The following ANKMY1 variants were observed in gnomAD, a reference collection of about 807,000 sequenced individuals.
ANKMY1 encodes the protein ankyrin repeat and MYND domain containing 1.
A neutral mutation model predicts 102.0 loss-of-function variants in ANKMY1; 98 were observed. The observed-to-expected ratio is 0.96, with a 90% CI of 0.82 to 1.14. The LOEUF (loss-of-function observed/expected upper bound fraction) is 1.14. Ranked by LOEUF, ANKMY1 falls within the 50% of genes most tolerant of loss-of-function variation. The probability of loss-of-function intolerance (pLI) is 0.00; values close to 1 mark genes in which losing one functional copy is unlikely to be tolerated. For missense variants in ANKMY1, 1,330 were observed against 1,347.6 expected, an observed-to-expected ratio of 0.99 and a Z score of 0.20; for synonymous variants, 582 against 559.9, an observed-to-expected ratio of 1.04 and a Z score of -0.56.
chr2:240,470,301 C>A, the ANKMY1 span, among the ~76,000 whole-genome samples: 1 of 152,204 alleles, frequency 6.6e-6, no homozygotes, highest in Non-Finnish European at 1.5e-5. Flanking sequence ...TGTGTCACAG[C>A]CATCAAAGAA....
rs368596280 is a variant in ANKMY1 at position 240,523,969 on chromosome 2, C to G, written c.1748G>C (p.Ser583Thr). Residue 583 changes from serine (S) to threonine (T), a missense_variant, in exon 8 of 18, where the codon AGC becomes ACC. Transcript: ENST00000401804. ...TGAGGGCGAGGCCATCTTCAGCAAG[C>G]TGTGGGACTGGGCGCTTCTCTCCAG... ...AMLERSAQSH[S>T]LLKMASPSPC... 2 of 1,613,766 alleles carry G rather than the reference C, an allele frequency of 1.2e-6. No homozygotes were observed. Among genetic ancestry groups the G allele is most frequent in the African/African-American group, 2.7e-5 (2 of 74,954 alleles).
intron 13 of ANKMY1, among the ~76,000 whole-genome samples, chr2:240,500,983 C>T (rs981595278): frequency 7.2e-5 from 11 of 152,174 alleles, no homozygotes; most frequent in Non-Finnish European, 1.2e-4. Flanking sequence ...AACAAGACAG[C>T]GAGTGCACGC....
In ANKMY1 at chr2:240,499,872, G is replaced by C; in HGVS notation, c.2806+86C>G. On this transcript the variant is annotated intron_variant, in intron 15 of 17. Coordinates refer to ENST00000401804, the MANE Select transcript of ANKMY1 (RefSeq NM_001282771.3). The surrounding 1 kb of genome is among the most constrained non-coding windows in gnomAD (Gnocchi z 4.2). ...GAAGGCCCCTCCAAGAGCCCCAGGG[G>C]GTCCAGATCTCCAGGGATAACAGCC... 6.8e-7 allele frequency: 1 copy of C among 1,463,314 alleles called. No homozygotes were observed. Among genetic ancestry groups the C allele is most frequent in the Non-Finnish European group, 9.1e-7 (1 of 1,097,952 alleles). 90.6% of individuals were successfully genotyped at this position (1,463,314 alleles called of 1,614,324 possible). A position where few individuals can be genotyped will look rare whatever the true frequency, so the allele number is the denominator to read the frequency against.
chr2:240,548,984 T>C (rs1393286453), intron 4 of ANKMY1, among the ~76,000 whole-genome samples: 1 of 152,130 alleles, frequency 6.6e-6, no homozygotes, highest in Non-Finnish European at 1.5e-5. Context: ...AAGCTACCAA[T>C]GACTTTCTTC....
intron 5 of ANKMY1, among the ~76,000 whole-genome samples, chr2:240,528,287 G>A (rs1466396990): frequency 1.7e-5 from 2 of 119,856 alleles, no homozygotes; most frequent in East Asian, 2.1e-4. Flanking sequence ...CTCTGTGCCT[G>A]CCCCCACCCC....
intron 15 of ANKMY1, among the ~76,000 whole-genome samples, chr2:240,497,511 G>T (rs1464069545): frequency 6.6e-6 from 1 of 152,212 alleles, no homozygotes; most frequent in Admixed American, 6.5e-5. Context: ...AATTTTAAAA[G>T]ATTTTATTGA....
intron 4 of ANKMY1, among the ~76,000 whole-genome samples, chr2:240,550,850 C>T (rs2091390290): frequency 6.6e-6 from 1 of 152,158 alleles, no homozygotes; most frequent in African/African-American, 2.4e-5. Context: ...TCATCTCTAT[C>T]TTTTGACTAT....
At chr2:240,534,828 C>A (rs2086335970) in intron 4 of ANKMY1, among the ~76,000 whole-genome samples, 1 of 151,898 alleles carries the variant, frequency 6.6e-6, no homozygotes, top group African/African-American at 2.4e-5. Context: ...CAAGATGGGG[C>A]ATGGTGGCTC....
chr2:240,551,343 T>TAA (rs1488326648), intron 4 of ANKMY1, among the ~76,000 whole-genome samples: 1 of 152,238 alleles, frequency 6.6e-6, no homozygotes, highest in African/African-American at 2.4e-5. Context: ...TATTTGTGAA[T>TAA]ATTCTTAATT....
At position 240,507,722 on chromosome 2, in the gene ANKMY1, CCA is replaced by C. The variant is rs767423277; in HGVS notation, c.2395-33_2395-32del. 4.0e-5 allele frequency: 62 copies of C among 1,565,720 alleles called. No individual in the cohort carries two copies. In the East Asian group the frequency reaches 9.2e-4, roughly 23 times the overall value. ...CATACACAGACAGTCTCATCAGTGG[CCA>C]CCATGTCACTTCCCCTGACAGAGGG... On this transcript the variant is annotated intron_variant, in intron 12 of 17. Transcript: ENST00000401804.
At chr2:240,482,784 A>G (rs2075571810) in intron 15 of ANKMY1, among the ~76,000 whole-genome samples, 1 of 152,200 alleles carries the variant, frequency 6.6e-6, no homozygotes, top group Non-Finnish European at 1.5e-5. Flanking sequence ...TGTTGGGTAG[A>G]GTGTTCTAGA....
At chr2:240,480,716 G>A (rs548533727) in intron 17 of ANKMY1, among the ~76,000 whole-genome samples, 1 of 152,208 alleles carries the variant, frequency 6.6e-6, no homozygotes, top group Non-Finnish European at 1.5e-5. Context: ...CTTCCAGGAC[G>A]AGGACAAGCA....
chr2:240,506,679 C>T lies in ANKMY1; in HGVS notation c.2526+881G>A, dbSNP rs968125862. On this transcript the variant is annotated intron_variant, in intron 13 of 17. Coordinates refer to ENST00000401804, the MANE Select transcript of ANKMY1 (RefSeq NM_001282771.3). This position sits in a 1 kb window ranked among gnomAD's most constrained non-coding sequence, Gnocchi z 4.9. ...CCCCTCCTCCTTCCCCCTTTTTCTC[C>T]CTCAGACAGGTAAGAACCAAAGTGT... Among the ~76,000 whole-genome samples, 1 of 151,088 alleles carries T rather than the reference C, an allele frequency of 6.6e-6. No homozygotes were observed. Among genetic ancestry groups the T allele is most frequent in the African/African-American group, 2.4e-5 (1 of 41,116 alleles).
rs2079036297 is a variant in ANKMY1, at chr2:240,506,160, C to T, written c.2526+1400G>A. On this transcript the variant is annotated intron_variant, in intron 13 of 17. Transcript: ENST00000401804. This position sits in a 1 kb window ranked among gnomAD's most constrained non-coding sequence, Gnocchi z 4.9. ...CTAACCCCGGATGAGGCGCTGGGAG[C>T]CCCCAACCCCGGACGAAGGACTATT... 6.6e-6 allele frequency among the ~76,000 whole-genome samples: 1 copy of T among 152,144 alleles called. No homozygotes were observed. Among genetic ancestry groups the T allele is most frequent in the Non-Finnish European group, 1.5e-5 (1 of 68,026 alleles).
At chr2:240,527,840 T>C (rs988295043) in intron 5 of ANKMY1, 1 of 52,826 alleles carries the variant, frequency 1.9e-5, no homozygotes, top group Non-Finnish European at 4.4e-5. Context: ...GAATGGATGG[T>C]AGGTGGGTGG....
chr2:240,560,961 G>T (rs1482936218), upstream of ANKMY1: 1 of 1,518,522 alleles, frequency 6.6e-7, no homozygotes, highest in Admixed American at 2.2e-5. Flanking sequence ...GGAGGCCGCG[G>T]TGCGCGCCGG....
chr2:240,500,606 C>G, intron 13 of ANKMY1, 41 bp from the exon 14 acceptor site: 1 of 1,564,266 alleles, frequency 6.4e-7, no homozygotes, highest in Non-Finnish European at 8.8e-7. Flanking sequence ...AAGGACATCC[C>G]GGCTACTGGG....
chr2:240,477,563 A>G (rs1045322060), downstream of ANKMY1, among the ~76,000 whole-genome samples: 1 of 151,694 alleles, frequency 6.6e-6, no homozygotes, highest in South Asian at 2.1e-4. Flanking sequence ...CCTGACTAAG[A>G]TCTTTTTTTT....
intron 4 of ANKMY1, among the ~76,000 whole-genome samples, chr2:240,536,656 G>A (rs144748439): frequency 4.9e-4 from 75 of 152,300 alleles, no homozygotes; most frequent in African/African-American, 1.4e-3. Context: ...AAGATGTATC[G>A]CATTGCCTTT....
Sources: gnomAD v4.1 joint callset for allele counts (sites outside exome capture counted in the v4.1 genomes callset) on GRCh38, gnomAD v4.1.1 for gene constraint, Gnocchi (gnomAD v3.1) non-coding constraint, MANE v1.5 for transcripts, NCBI Gene and HGNC (gene_info 2026-07-23, HGNC 2026-07-21) for gene names.